NRP1: variants seen among roughly 807,000 people sequenced by gnomAD.
NRP1 encodes neuropilin-1.
In NRP1, 35 loss-of-function variants were observed where a neutral mutation model predicts 106.7. The ratio of observed to expected loss-of-function variants is 0.33; its 90% CI spans 0.25 to 0.43. NRP1 has a LOEUF of 0.43. Among genes scored for constraint, NRP1 ranks in the 20% least tolerant of loss-of-function variants. The probability of loss-of-function intolerance (pLI) is 1.00; values close to 1 mark genes in which losing one functional copy is unlikely to be tolerated. For missense variants in NRP1, 1,024 were observed against 1,170.4 expected, an observed-to-expected ratio of 0.87 and a Z score of 1.83; for synonymous variants, 437 against 417.9, an observed-to-expected ratio of 1.05 and a Z score of -0.56.
intron 6 of NRP1, among the ~76,000 whole-genome samples, chr10:33,227,480 C>G (rs1196623034): frequency 6.6e-6 from 1 of 152,174 alleles, no homozygotes; most frequent in African/African-American, 2.4e-5. Flanking sequence ...TTTCTTCCCT[C>G]CCCACATCTT....
At chr10:33,195,043 T>A (rs1490612361) in intron 12 of NRP1, among the ~76,000 whole-genome samples, 2 of 152,172 alleles carry the variant, frequency 1.3e-5, no homozygotes, top group Non-Finnish European at 2.9e-5. Context: ...GAAACAATAT[T>A]CTGAACTTAA....
intron 2 of NRP1, among the ~76,000 whole-genome samples, chr10:33,304,938 G>A (rs1457216560): frequency 6.6e-6 from 1 of 152,226 alleles, no homozygotes; most frequent in African/African-American, 2.4e-5. Context: ...CAACCAGATT[G>A]ACTTAAAGTA....
intron 2 of NRP1, among the ~76,000 whole-genome samples, chr10:33,277,111 T>TA (rs547384604): frequency 0.027 from 3,409 of 125,274 alleles, 125 homozygotes; most frequent in African/African-American, 0.092. Flanking sequence ...TCTCTAAAAT[T>TA]AAAAAAAAAA....
chr10:33,256,823 C>A (rs1433808910), intron 4 of NRP1, among the ~76,000 whole-genome samples: 1 of 152,298 alleles, frequency 6.6e-6, no homozygotes, highest in East Asian at 1.9e-4. Context: ...CACAGCTCAG[C>A]GCCAAAAGAT....
At chr10:33,189,177 G>A (rs974675549) in intron 13 of NRP1, among the ~76,000 whole-genome samples, 4 of 151,326 alleles carry the variant, frequency 2.6e-5, no homozygotes, top group Non-Finnish European at 5.9e-5. Context: ...ATAAACACCC[G>A]ATCCACAAAC....
chr10:33,228,808 G>A lies in NRP1; in HGVS notation c.982-2519C>T, dbSNP rs571085145. ...CTCTGTGTGCTTTCACCAGATTTAA[G>A]AGAAAAAGGAACAAGAATTTAATAG... On this transcript the variant is annotated intron_variant, in intron 6 of 16. Transcript: ENST00000374867. 2.6e-5 allele frequency among the ~76,000 whole-genome samples: 4 copies of A among 152,176 alleles called. No homozygotes were observed. The East Asian group carries it at 7.7e-4, about 29-fold the overall frequency.
At chr10:33,188,925 AT>A (rs1288126040) in intron 13 of NRP1, among the ~76,000 whole-genome samples, 4 of 141,886 alleles carry the variant, frequency 2.8e-5, no homozygotes, top group African/African-American at 1.1e-4. Flanking sequence ...ATATATATAT[AT>A]ATATATATAT....
intron 2 of NRP1, among the ~76,000 whole-genome samples, chr10:33,297,811 G>A (rs963429702): frequency 6.6e-6 from 1 of 152,014 alleles, no homozygotes; most frequent in Non-Finnish European, 1.5e-5. Context: ...AGGAGGAGAG[G>A]AAGGAACAGA....
intron 12 of NRP1, 96 bp from the exon 13 acceptor site, chr10:33,192,514 A>G: frequency 7.9e-7 from 1 of 1,270,818 alleles, no homozygotes; most frequent in Non-Finnish European, 1.1e-6. Flanking sequence ...CATGGAAAGC[A>G]CGATTTATAC....
In NRP1 at chr10:33,207,640, A is replaced by G. The variant is rs1384816655; in HGVS notation, c.1691T>C (p.Ile564Thr). ...GCCATGAGTGGCTCTCTCGGGGTAG[A>G]TCCTGATGAATCGCGTGGAGAGAGC... The part of the protein sequence containing the change: ...FPALSTRFIR[I>T]YPERATHGGL... The change falls in exon 10 of 17, where the codon ATC becomes ACC. Residue 564 changes from isoleucine (I) to threonine (T), a missense_variant. Ile to Thr is a moderately conservative substitution (Grantham distance 89). Around this residue, in one of 5 missense-constraint regions of NRP1, gnomAD observed 562 missense variants for 620.3 expected, o/e 0.91. Transcript: ENST00000374867. The G allele has an allele frequency of 9.3e-6, 15 of 1,614,094 alleles. No homozygotes were observed. The highest frequency in any genetic ancestry group is 1.3e-5 in the Non-Finnish European group (15 of 1,180,042).
At chr10:33,290,822 C>T (rs575324312) in intron 2 of NRP1, among the ~76,000 whole-genome samples, 2 of 152,090 alleles carry the variant, frequency 1.3e-5, no homozygotes, top group Non-Finnish European at 2.9e-5. Context: ...TGCAATAACC[C>T]GTCAAAACAT....
intron 6 of NRP1, among the ~76,000 whole-genome samples, chr10:33,250,336 C>T (rs1391653417): frequency 6.6e-6 from 1 of 152,128 alleles, no homozygotes; most frequent in African/African-American, 2.4e-5. Context: ...TAACAGCACC[C>T]ACCCTGTACA....
At chr10:33,283,040 G>A (rs1844258148) in intron 2 of NRP1, among the ~76,000 whole-genome samples, 1 of 152,176 alleles carries the variant, frequency 6.6e-6, no homozygotes, top group South Asian at 2.1e-4. Flanking sequence ...CACCGCACCT[G>A]AACTTGAAGA....
At chr10:33,237,480 T>TGC (rs143172801) in intron 6 of NRP1, among the ~76,000 whole-genome samples, 2,145 of 132,128 alleles carry the variant, frequency 0.016, 33 homozygotes, top group African/African-American at 0.03. Flanking sequence ...GAAACACACA[T>TGC]GCGCGCGCAC....
chr10:33,292,357 T>C (rs1845058019), intron 2 of NRP1, among the ~76,000 whole-genome samples: 2 of 152,162 alleles, frequency 1.3e-5, no homozygotes, highest in Admixed American at 1.3e-4. Context: ...AGCAAAATTC[T>C]ACAATATCAA....
chr10:33,235,393 T>C (rs1470842714), intron 6 of NRP1, among the ~76,000 whole-genome samples: 1 of 152,232 alleles, frequency 6.6e-6, no homozygotes, highest in African/African-American at 2.4e-5. Flanking sequence ...GTGGAGTCAC[T>C]ACCATTGCTC....
At chr10:33,237,486 C>CGCGCGT (rs1199034816) in intron 6 of NRP1, among the ~76,000 whole-genome samples, 1 of 126,922 alleles carries the variant, frequency 7.9e-6, no homozygotes, top group African/African-American at 3.8e-5. Flanking sequence ...CACATGCGCG[C>CGCGCGT]GCACACACAC....
intron 2 of NRP1, among the ~76,000 whole-genome samples, chr10:33,306,059 C>G (rs1431144527): frequency 6.6e-6 from 1 of 152,180 alleles, no homozygotes; most frequent in Non-Finnish European, 1.5e-5. Context: ...GCCACCGTGC[C>G]AGGCCAGTAA....
At chr10:33,258,558 T>C (rs969200914) in intron 4 of NRP1, among the ~76,000 whole-genome samples, 1 of 152,200 alleles carries the variant, frequency 6.6e-6, no homozygotes, top group African/African-American at 2.4e-5. Flanking sequence ...ACAATAGCTT[T>C]GCATTATGGA....
Sources: allele counts gnomAD v4.1 joint callset (sites outside exome capture counted in the v4.1 genomes callset), GRCh38; gene constraint gnomAD v4.1.1; regional missense constraint gnomAD v4.1.1; transcripts MANE v1.5; gene names NCBI Gene and HGNC (gene_info 2026-07-23, HGNC 2026-07-21).